SLC12A4: variants seen among roughly 807,000 people sequenced by gnomAD.
SLC12A4 encodes electroneutral potassium-chloride cotransporter 1.
SLC12A4 carries 84 observed loss-of-function variants against 119.2 expected under a neutral mutation model. That is an observed-to-expected ratio of 0.70 (90% CI 0.59 to 0.85). SLC12A4 has a LOEUF of 0.85. Among genes scored for constraint, SLC12A4 ranks in the 40% least tolerant of loss-of-function variants. SLC12A4 has a pLI of 0.00. For synonymous variants in SLC12A4, 599 were observed against 604.6 expected, an observed-to-expected ratio of 0.99 and a Z score of 0.14; for missense variants, 1,298 against 1,476.3, an observed-to-expected ratio of 0.88 and a Z score of 1.98.
intron 1 of SLC12A4, among the ~76,000 whole-genome samples, chr16:67,965,928 C>T (rs933559548): frequency 1.3e-5 from 2 of 152,210 alleles, no homozygotes; most frequent in African/African-American, 4.8e-5. Flanking sequence ...CATCAGAGCC[C>T]TGTAGGGGCG....
Position 67,947,369 on chromosome 16 carries a change from C to A in SLC12A4, c.2034G>T (p.Leu678Phe), listed in dbSNP as rs2058363318. The stretch of plus-strand genomic sequence containing the variant: ...TGTGAGGAGGCCCCTCCTCCAGCCG[C>A]AACAGCGCGTAGCGGGCAGCGCTCA... The part of the protein sequence containing the change: ...LSLSAARYAL[L>F]RLEEGPPHTK... Residue 678 changes from leucine (L) to phenylalanine (F), a missense_variant, in exon 16 of 24, where the codon TTG (leucine) becomes TTT (phenylalanine). Physicochemically the swap from Leu to Phe is conservative, Grantham distance 22. Transcript: ENST00000316341. 6.2e-7 allele frequency: 1 copy of A among 1,612,720 alleles called. No individual in the cohort carries two copies. The highest frequency in any genetic ancestry group is 1.3e-5 in the African/African-American group (1 of 74,926).
Position 67,961,745 on chromosome 16 carries a change from GGTGGGTGCCAGCTGT to G in SLC12A4, c.211-54_211-40del, listed in dbSNP as rs1486793260. 3 of 1,611,726 alleles carry G rather than the reference GGTGGGTGCCAGCTGT, an allele frequency of 1.9e-6. No homozygotes were observed. The Admixed American group carries it at 5.0e-5, about 27-fold the overall frequency. Reference sequence around the variant, plus strand: ...CACAGGGCAAGATGGCATTGGGCCAGGTGGGTGCCAGCTGTGTGGAGCCAGCTGCCTGGTCCCTGG... The same window carrying G: ...CACAGGGCAAGATGGCATTGGGCCAGGTGGAGCCAGCTGCCTGGTCCCTGG... On this transcript the variant is annotated intron_variant, in intron 2 of 23. Transcript: ENST00000316341.
intron 1 of SLC12A4, among the ~76,000 whole-genome samples, chr16:67,965,534 T>C (rs2030826989): frequency 6.6e-6 from 1 of 152,228 alleles, no homozygotes; most frequent in South Asian, 2.1e-4. Context: ...GAGACACTTT[T>C]GTTGGCTATT....
chr16:67,946,605 T>C lies in SLC12A4; in HGVS notation c.2270A>G (p.Lys757Arg), dbSNP rs745840434. ...CACCACCTGGCAGAAGCCCTTCACC[T>C]TCTCAATTTCCATCATGTTCTTGAT... ...QTIKNMMEIE[K>R]VKGFCQVVVA... The change falls in exon 18 of 24, where the codon AAG becomes AGG. Residue 757 changes from lysine (K) to arginine (R), a missense_variant. Physicochemically the swap from Lys to Arg is conservative, Grantham distance 26 (BLOSUM62 2). Transcript: ENST00000316341. 1.2e-6 allele frequency: 2 copies of C among 1,612,808 alleles called. No individual in the cohort carries two copies. Among genetic ancestry groups the C allele is most frequent in the Admixed American group, 3.3e-5 (2 of 60,010 alleles).
intron 3 of SLC12A4, among the ~76,000 whole-genome samples, chr16:67,958,589 C>T (rs866830572): frequency 2.6e-5 from 4 of 152,150 alleles, no homozygotes; most frequent in Non-Finnish European, 5.9e-5. Context: ...CACTCTGCTG[C>T]TATAGTAGGT....
In SLC12A4 at chr16:67,959,522, C is replaced by T. The variant is rs529044367; in HGVS notation, c.343-1478G>A. Among the ~76,000 whole-genome samples, 13 of 152,282 alleles carry T rather than the reference C, an allele frequency of 8.5e-5. No individual in the cohort carries two copies. The South Asian group carries it at 1.5e-3, about 17-fold the overall frequency. On this transcript the variant is annotated intron_variant, in intron 3 of 23. Coordinates refer to ENST00000316341, the MANE Select transcript of SLC12A4 (RefSeq NM_005072.5). ...CCTGGCCTGGGGCAAGACCTGTGAG[C>T]GACCTAAAGGACTTCAGAAGAGCCT... is the stretch of plus-strand genomic sequence containing the variant.
In SLC12A4 at chr16:67,945,549, T is replaced by A; in HGVS notation, c.2852A>T (p.Gln951Leu). ...LTKTEREREA[Q>L]LVKDRHSALR... ...GGCCGAGTGCCGATCCTTGACCAGC[T>A]GGGCCTGAGGACAATTGCAGGAGAT... Residue 951 changes from glutamine (Q) to leucine (L), a missense_variant, in exon 22 of 24, where the codon CAG becomes CTG. By Grantham distance (113) the Gln-to-Leu change is moderately radical. Coordinates refer to ENST00000316341, the MANE Select transcript of SLC12A4 (RefSeq NM_005072.5). 1 of 1,613,304 alleles carries A rather than the reference T, an allele frequency of 6.2e-7. No individual in the cohort carries two copies. The highest frequency in any genetic ancestry group is 8.5e-7 in the Non-Finnish European group (1 of 1,179,620).
chr16:67,944,974 G>C lies in SLC12A4; in HGVS notation c.3167-43C>G, dbSNP rs750626808. 3 of 1,612,148 alleles carry C rather than the reference G, an allele frequency of 1.9e-6. No individual in the cohort carries two copies. The East Asian group carries it at 6.7e-5, about 36-fold the overall frequency. ...AAGGAGGCAACAACAGAATCAACGGGCAACCCGGGCCACCTGGGCCATGCC... is the reference window on the plus strand; with the variant it reads ...AAGGAGGCAACAACAGAATCAACGGCCAACCCGGGCCACCTGGGCCATGCC... On this transcript the variant is annotated intron_variant, in intron 23 of 23. Transcript: ENST00000316341. The surrounding 1 kb of genome is among the most constrained non-coding windows in gnomAD (Gnocchi z 6.6).
chr16:67,951,396 T>C lies in SLC12A4; in HGVS notation c.1133-92A>G. On this transcript the variant is annotated intron_variant, in intron 8 of 23. Transcript: ENST00000316341. The surrounding 1 kb of genome is among the most constrained non-coding windows in gnomAD (Gnocchi z 5.2). Reference sequence around the variant, plus strand: ...GCCAGAGGCGCAGATGCAGGGCAACTTTGGGGACTCAGGGAACAGCTTCAG... The same window carrying C: ...GCCAGAGGCGCAGATGCAGGGCAACCTTGGGGACTCAGGGAACAGCTTCAG... 7.0e-7 allele frequency: 1 copy of C among 1,432,790 alleles called. No individual in the cohort carries two copies. Among genetic ancestry groups the C allele is most frequent in the Non-Finnish European group, 9.4e-7 (1 of 1,058,338 alleles). 88.8% of individuals were successfully genotyped at this position (1,432,790 alleles called of 1,614,324 possible).
At chr16:67,958,515 C>A (rs2151334899) in intron 3 of SLC12A4, among the ~76,000 whole-genome samples, 1 of 152,276 alleles carries the variant, frequency 6.6e-6, no homozygotes, top group South Asian at 2.1e-4. Flanking sequence ...CAGCCTTAGT[C>A]CCTTGAACCT....
Position 67,951,751 on chromosome 16 carries a change from G to C in SLC12A4, c.1132+72C>G, listed in dbSNP as rs1224387528. On this transcript the variant is annotated intron_variant, in intron 8 of 23. Coordinates refer to ENST00000316341, the MANE Select transcript of SLC12A4 (RefSeq NM_005072.5). This position sits in a 1 kb window ranked among gnomAD's most constrained non-coding sequence, Gnocchi z 5.2. ...CCCCGTTCCCAAGCTGGCCACACAA[G>C]GACAGCTCTGTGCTCTGTGCCCCTG... 5.9e-6 allele frequency: 8 copies of C among 1,363,860 alleles called. No homozygotes were observed. The South Asian group carries it at 6.5e-5, about 11-fold the overall frequency. The allele number at this position is 1,363,860 out of a possible 1,614,324, so 84.5% of individuals were successfully genotyped here.
chr16:67,965,036 G>A (rs1255818719), intron 1 of SLC12A4, among the ~76,000 whole-genome samples: 1 of 152,222 alleles, frequency 6.6e-6, no homozygotes, highest in East Asian at 1.9e-4. Context: ...CTAGCTAAGT[G>A]AGCCAAGCAG....
intron 1 of SLC12A4, 39 bp from the exon 2 acceptor site, chr16:67,963,598 G>A: frequency 2.1e-6 from 3 of 1,446,162 alleles, no homozygotes; most frequent in Non-Finnish European, 2.8e-6. Flanking sequence ...TGCTTCCTGA[G>A]CCCCCCAGCC....
At position 67,950,614 on chromosome 16, in the gene SLC12A4, AGCCCAGCCGCTGCTAAAGAGGGGG is replaced by A. The variant is rs2058403318; in HGVS notation, c.1454+16_1454+39del. 15 of 1,608,770 alleles carry A rather than the reference AGCCCAGCCGCTGCTAAAGAGGGGG, an allele frequency of 9.3e-6. No homozygotes were observed. The highest frequency in any genetic ancestry group is 1.3e-5 in the Non-Finnish European group (15 of 1,177,556). On this transcript the variant is annotated intron_variant, in intron 11 of 23. Coordinates refer to ENST00000316341, the MANE Select transcript of SLC12A4 (RefSeq NM_005072.5). This position sits in a 1 kb window ranked among gnomAD's most constrained non-coding sequence, Gnocchi z 4.3. ...GGGAGCTGGTGTGAGGGCAGGCCAA[AGCCCAGCCGCTGCTAAAGAGGGGG>A]GCCCAGCTCACTCACTTGTCCCGGA...
At chr16:67,948,249 G>A in intron 13 of SLC12A4, 90 bp from the exon 14 acceptor site, 1 of 1,247,090 alleles carries the variant, frequency 8.0e-7, no homozygotes, top group Admixed American at 1.8e-5. Flanking sequence ...AACGGGGCGT[G>A]GCCCGGCCCT....
intron 13 of SLC12A4, among the ~76,000 whole-genome samples, chr16:67,948,733 C>A (rs887459104): frequency 6.6e-6 from 1 of 152,002 alleles, no homozygotes; most frequent in African/African-American, 2.4e-5. Flanking sequence ...GCAGGAGGCC[C>A]GAGATAAAGG....
intron 5 of SLC12A4, among the ~76,000 whole-genome samples, chr16:67,956,341 A>T (rs1195042590): frequency 6.6e-6 from 1 of 152,098 alleles, no homozygotes; most frequent in Non-Finnish European, 1.5e-5. Context: ...CAGGCAGGAG[A>T]ATAATCACAT....
intron 3 of SLC12A4, 69 bp from the exon 4 acceptor site, chr16:67,958,113 T>A: frequency 2.6e-6 from 4 of 1,546,532 alleles, no homozygotes; most frequent in Non-Finnish European, 3.5e-6. Context: ...TCAGCCCTAG[T>A]CACTCAGCAG....
rs1352017255 is a variant in SLC12A4 at position 67,951,530 on chromosome 16, C to T, written c.1133-226G>A. ...CTGAACCACCGTCACCCAGAGCCCG[C>T]CACTGCCCGCCTTCCACAGAGGCCT... On this transcript the variant is annotated intron_variant, in intron 8 of 23. Coordinates refer to ENST00000316341, the MANE Select transcript of SLC12A4 (RefSeq NM_005072.5). This position sits in a 1 kb window ranked among gnomAD's most constrained non-coding sequence, Gnocchi z 5.2. 1.6e-6 allele frequency: 1 copy of T among 613,994 alleles called. No individual in the cohort carries two copies. The highest frequency in any genetic ancestry group is 2.8e-6 in the Non-Finnish European group (1 of 351,538). 38.0% of individuals were successfully genotyped at this position (613,994 alleles called of 1,614,324 possible). A position where few individuals can be genotyped will look rare whatever the true frequency, so the allele number is the denominator to read the frequency against.
Sources: gnomAD v4.1 joint callset for allele counts (sites outside exome capture counted in the v4.1 genomes callset) on GRCh38, gnomAD v4.1.1 for gene constraint, Gnocchi (gnomAD v3.1) non-coding constraint, MANE v1.5 for transcripts, NCBI Gene and HGNC (gene_info 2026-07-23, HGNC 2026-07-21) for gene names.